The following SLC4A1AP variants were observed in gnomAD, a reference collection of about 807,000 sequenced individuals.
SLC4A1AP encodes the protein kanadaptin.
In SLC4A1AP, 64 loss-of-function variants were observed where a neutral mutation model predicts 89.7. The ratio of observed to expected loss-of-function variants is 0.71; its 90% CI spans 0.58 to 0.88. The LOEUF is 0.88. Ranked by LOEUF, SLC4A1AP falls within the 40% of genes least tolerant of loss-of-function variation. SLC4A1AP has a pLI of 0.00. For missense variants in SLC4A1AP, 931 were observed against 965.0 expected (o/e 0.96, Z 0.47); for synonymous variants, 366 against 353.3 (o/e 1.04, Z -0.40).
At chr2:27,692,316 C>G (rs1313429437) in intron 12 of SLC4A1AP, 2 of 152,212 alleles carry the variant, frequency 1.3e-5, no homozygotes, top group East Asian at 1.9e-4. Flanking sequence ...TTGAAGGTTC[C>G]TTTTCAAGTT....
intron 1 of SLC4A1AP, among the ~76,000 whole-genome samples, 154 bp from the exon 2 acceptor site, chr2:27,664,946 G>A (rs1675284531): frequency 6.6e-6 from 1 of 151,836 alleles, no homozygotes; most frequent in Non-Finnish European, 1.5e-5. Flanking sequence ...GGTCCCAGCT[G>A]CTCAGGAGGC....
chr2:27,682,340 T>TA lies in SLC4A1AP; in HGVS notation c.1861dup (p.Thr621AsnfsTer24), dbSNP rs1382138287. On this transcript the variant is annotated frameshift_variant, in exon 9 of 14. Coordinates refer to ENST00000613058, the Ensembl canonical transcript of SLC4A1AP. LOFTEE classifies it high-confidence loss of function. ...ATGAAAGGAGGAAGCAAATTCAAAT[T>TA]AAAAACTGGAACAGTAGGGGTAAGT... 3 of 1,611,668 alleles carry TA rather than the reference T, an allele frequency of 1.9e-6. No homozygotes were observed. In the African/African-American group the frequency reaches 4.0e-5, roughly 22 times the overall value.
intron 5 of SLC4A1AP, among the ~76,000 whole-genome samples, chr2:27,671,752 G>C (rs1447312268): frequency 2.0e-5 from 3 of 152,204 alleles, no homozygotes; most frequent in Non-Finnish European, 4.4e-5. Context: ...TAAAAAGCTG[G>C]TACAACACTA....
intron 12 of SLC4A1AP, chr2:27,692,294 A>G (rs1204986489): frequency 6.6e-6 from 1 of 152,104 alleles, no homozygotes; most frequent in Non-Finnish European, 1.5e-5. Flanking sequence ...ATTTCCATGT[A>G]TTTGTATAGT....
At chr2:27,693,455 C>A in intron 12 of SLC4A1AP, 1 of 463,324 alleles carries the variant, frequency 2.2e-6, no homozygotes, top group Non-Finnish European at 3.8e-6. Flanking sequence ...CTCCTTTTTG[C>A]ATTTCTTGTA....
intron 5 of SLC4A1AP, among the ~76,000 whole-genome samples, chr2:27,672,868 C>T (rs1474091196): frequency 6.6e-6 from 1 of 152,156 alleles, no homozygotes; most frequent in Non-Finnish European, 1.5e-5. Context: ...CTGCCTGAAA[C>T]GAAAGGACTG....
At chr2:27,673,426 CCCTCCCTCCCTCCCTCCCTT>C (rs1223724001) in intron 5 of SLC4A1AP, among the ~76,000 whole-genome samples, 14 of 97,194 alleles carry the variant, frequency 1.4e-4, no homozygotes, top group African/African-American at 4.6e-4. Flanking sequence ...CTCCCTCCCT[CCCTCCCTCCCTCCCTCCCTT>C]CCTTCCTTCC....
chr2:27,693,903 A>G, intron 13 of SLC4A1AP, 149 bp downstream of exon 13: 1 of 506,026 alleles, frequency 2.0e-6, no homozygotes, highest in East Asian at 3.4e-5. Flanking sequence ...CAAACAAACA[A>G]CTGTTTAAAA....
chr2:27,675,560 G>T (rs1490101868), exon 6 of SLC4A1AP: 2 of 1,595,918 alleles, frequency 1.3e-6, no homozygotes, highest in South Asian at 2.3e-5. Context: ...CCAAGAACTG[G>T]GAAGATGAAG....
At chr2:27,673,325 T>TC (rs1491225226) in intron 5 of SLC4A1AP, among the ~76,000 whole-genome samples, 8 of 2,526 alleles carry the variant, frequency 3.2e-3, no homozygotes, top group Admixed American at 8.3e-3. Flanking sequence ...TCTCTCTCTC[T>TC]TTCTTTTCTT....
chr2:27,666,027 T>G, intron 2 of SLC4A1AP, among the ~76,000 whole-genome samples: 1 of 152,234 alleles, frequency 6.6e-6, no homozygotes, highest in South Asian at 2.1e-4. Flanking sequence ...GCACTTGCAG[T>G]GTGGCTAGTT....
At chr2:27,669,156 A>T (rs2272406) in intron 4 of SLC4A1AP, 92 bp from the exon 5 acceptor site, 258,401 of 1,060,520 alleles carry the variant, frequency 0.24, 25,970 homozygotes, top group East Asian at 0.4. Flanking sequence ...AAGGCCATCT[A>T]AAAAAAAAAT....
intron 12 of SLC4A1AP, among the ~76,000 whole-genome samples, chr2:27,689,631 C>T (rs1675756735): frequency 6.6e-6 from 1 of 152,124 alleles, no homozygotes; most frequent in African/African-American, 2.4e-5. Flanking sequence ...TTTTTATTGG[C>T]GACTGATCAC....
At chr2:27,688,176 G>C (rs1675735267) in intron 11 of SLC4A1AP, among the ~76,000 whole-genome samples, 156 bp downstream of exon 11, 1 of 152,148 alleles carries the variant, frequency 6.6e-6, no homozygotes, top group South Asian at 2.1e-4. Flanking sequence ...CATAAGAGAG[G>C]TTTGTATTTG....
chr2:27,680,786 AAACAACAACAACAACAAC>A (rs34406797), intron 8 of SLC4A1AP, among the ~76,000 whole-genome samples: 1 of 147,388 alleles, frequency 6.8e-6, no homozygotes, highest in Non-Finnish European at 1.5e-5. Flanking sequence ...CTGCTTTGGA[AAACAACAACAACAACAAC>A]AACAACAACA....
intron 9 of SLC4A1AP, among the ~76,000 whole-genome samples, chr2:27,683,929 C>T (rs1572995133): frequency 6.6e-6 from 1 of 151,952 alleles, no homozygotes; most frequent in Admixed American, 6.6e-5. Context: ...TTAGTAGAGA[C>T]AGTTTTTCAC....
rs866190190 is a variant in SLC4A1AP, at chr2:27,670,829, G to C, written c.1345+1442G>C. On this transcript the variant is annotated intron_variant, in intron 5 of 13. Coordinates refer to ENST00000613058, the Ensembl canonical transcript of SLC4A1AP. Reference sequence around the variant, plus strand: ...TGAGCCGAGATCGCGCCACTGCACTGCAGCCTGGGTGACAGAGCAAGACTC... The same window carrying C: ...TGAGCCGAGATCGCGCCACTGCACTCCAGCCTGGGTGACAGAGCAAGACTC... Among the ~76,000 whole-genome samples, 11 of 151,600 alleles carry C rather than the reference G, an allele frequency of 7.3e-5. No individual in the cohort carries two copies. In the Middle Eastern group the frequency reaches 0.021, roughly 283 times the overall value.
intron 9 of SLC4A1AP, among the ~76,000 whole-genome samples, chr2:27,683,868 TG>T (rs1206267840): frequency 6.6e-6 from 1 of 152,106 alleles, no homozygotes; most frequent in Non-Finnish European, 1.5e-5. Context: ...CCCGAGTAGC[TG>T]GGATTACAGG....
chr2:27,683,153 A>T (rs1409582752), intron 9 of SLC4A1AP, among the ~76,000 whole-genome samples: 1 of 152,188 alleles, frequency 6.6e-6, no homozygotes, highest in African/African-American at 2.4e-5. Flanking sequence ...TAAATACCAG[A>T]TCACACCAGC....
Sources: allele counts gnomAD v4.1 joint callset (sites outside exome capture counted in the v4.1 genomes callset), GRCh38; gene constraint gnomAD v4.1.1; transcripts MANE v1.5; gene names NCBI Gene and HGNC (gene_info 2026-07-23, HGNC 2026-07-21).